The following EPHB1 variants were observed in gnomAD, a reference collection of about 807,000 sequenced individuals.
EPHB1 encodes the protein EPH receptor B1.
A neutral mutation model predicts 94.4 loss-of-function variants in EPHB1; 30 were observed. The observed-to-expected ratio is 0.32, with a 90% CI of 0.24 to 0.43. The LOEUF (loss-of-function observed/expected upper bound fraction) is 0.43. EPHB1 is among the 20% of genes least tolerant of loss of function. The pLI is 1.00. For missense variants in EPHB1, 1,055 were observed against 1,308.3 expected (o/e 0.81, Z 2.99); for synonymous variants, 522 against 489.1 (o/e 1.07, Z -0.89).
intron 3 of EPHB1, among the ~76,000 whole-genome samples, chr3:135,099,913 G>C (rs1938969999): frequency 6.6e-6 from 1 of 152,266 alleles, no homozygotes; most frequent in South Asian, 2.1e-4. Flanking sequence ...CTTCTTCCTG[G>C]CCAGAAGCAT....
chr3:135,208,665 C>T (rs1340906364), intron 12 of EPHB1, among the ~76,000 whole-genome samples: 1 of 152,070 alleles, frequency 6.6e-6, no homozygotes, highest in Non-Finnish European at 1.5e-5. Flanking sequence ...ACTGTGGGAA[C>T]AGAGGTATAA....
chr3:135,241,848 A>C (rs1398108272), intron 13 of EPHB1, among the ~76,000 whole-genome samples: 1 of 152,144 alleles, frequency 6.6e-6, no homozygotes, highest in Non-Finnish European at 1.5e-5. Context: ...ATCCCATATC[A>C]CCTATCAGTG....
chr3:134,845,604 G>C (rs752963218), intron 1 of EPHB1, among the ~76,000 whole-genome samples: 19 of 146,944 alleles, frequency 1.3e-4, no homozygotes, highest in Admixed American at 2.0e-4. Context: ...ATCCAGGGCA[G>C]AGAGTCAGGC....
At position 135,027,525 on chromosome 3, in the gene EPHB1, T is replaced by G. The variant is rs1305867713; in HGVS notation, c.805+75473T>G. ...TATATGCTGGATTACATTTATTGAT[T>G]TGCGTATATTGAACCAGCCTTGCAT... On this transcript the variant is annotated intron_variant, in intron 3 of 15. Coordinates refer to ENST00000398015, the MANE Select transcript of EPHB1 (RefSeq NM_004441.5). 1.5e-4 allele frequency among the ~76,000 whole-genome samples: 23 copies of G among 149,576 alleles called. No individual in the cohort carries two copies. In the East Asian group the frequency reaches 4.2e-3, roughly 27 times the overall value.
Position 134,951,447 on chromosome 3 carries a change from A to G in EPHB1, c.200A>G (p.Asn67Ser), listed in dbSNP as rs778421975. 30 of 1,612,808 alleles carry G rather than the reference A, an allele frequency of 1.9e-5. No homozygotes were observed. The highest frequency in any genetic ancestry group is 2.5e-5 in the Non-Finnish European group (29 of 1,179,262). ...CAGGTGTGCAATGTCTTCGAGCCCA[A>G]CCAGAACAATTGGCTGCTCACCACC... ...TYQVCNVFEPNQNNWLLTTFI... is the reference protein window; with the variant it reads ...TYQVCNVFEPSQNNWLLTTFI... Residue 67 changes from asparagine to serine, a missense_variant, in exon 3 of 16, where the codon AAC (asparagine) becomes AGC (serine). Coordinates refer to ENST00000398015, the MANE Select transcript of EPHB1 (RefSeq NM_004441.5). The surrounding 1 kb of genome is among the most constrained non-coding windows in gnomAD (Gnocchi z 4.5).
At chr3:135,007,953 G>A (rs1935482599) in intron 3 of EPHB1, among the ~76,000 whole-genome samples, 1 of 152,198 alleles carries the variant, frequency 6.6e-6, no homozygotes, top group African/African-American at 2.4e-5. Flanking sequence ...TTATTACTAA[G>A]GGGATGGCCG....
rs149913570 is a variant in EPHB1, at chr3:135,117,920, G to T, written c.961+11317G>T. On this transcript the variant is annotated intron_variant, in intron 4 of 15. Coordinates refer to ENST00000398015, the MANE Select transcript of EPHB1 (RefSeq NM_004441.5). ...GCCAGGTGCAGGCTGTCTCTTCTGG[G>T]GCAGAGGTGCCCAGAAGGTGAGGGC... Among the ~76,000 whole-genome samples the T allele has an allele frequency of 3.6e-3, 552 of 152,314 alleles. 3 individuals are homozygous for T. Among genetic ancestry groups the T allele is most frequent in the Middle Eastern group, 6.8e-3 (2 of 294 alleles).
intron 10 of EPHB1, among the ~76,000 whole-genome samples, chr3:135,191,483 G>A (rs1183733429): frequency 1.3e-5 from 2 of 152,208 alleles, no homozygotes; most frequent in Non-Finnish European, 2.9e-5. Flanking sequence ...GAAGTGGAAA[G>A]TGAGAGAGAA....
chr3:134,936,889 T>G (rs1209153702), intron 2 of EPHB1, among the ~76,000 whole-genome samples: 1 of 152,180 alleles, frequency 6.6e-6, no homozygotes, highest in Non-Finnish European at 1.5e-5. Flanking sequence ...CTTCAAGTGA[T>G]GGGGACCTGT....
intron 3 of EPHB1, among the ~76,000 whole-genome samples, chr3:135,101,857 C>T (rs1385956092): frequency 1.3e-5 from 2 of 152,134 alleles, no homozygotes; most frequent in African/African-American, 4.8e-5. Flanking sequence ...GGTGTACATC[C>T]ATCCACCTGG....
intron 6 of EPHB1, among the ~76,000 whole-genome samples, chr3:135,160,058 C>T (rs1287559101): frequency 6.6e-6 from 1 of 152,158 alleles, no homozygotes; most frequent in East Asian, 1.9e-4. Context: ...CCCCACAATC[C>T]CCTGAACTGC....
chr3:135,093,156 A>G (rs1486497480), intron 3 of EPHB1, among the ~76,000 whole-genome samples: 2 of 152,226 alleles, frequency 1.3e-5, no homozygotes, highest in African/African-American at 4.8e-5. Context: ...GAGAATGTCT[A>G]TAAAAGGAAA....
chr3:135,024,621 G>C (rs1559799071), intron 3 of EPHB1, among the ~76,000 whole-genome samples: 2 of 152,054 alleles, frequency 1.3e-5, no homozygotes, highest in African/African-American at 4.8e-5. Flanking sequence ...TCCTGTTGTA[G>C]TGGGCCCACT....
intron 1 of EPHB1, among the ~76,000 whole-genome samples, chr3:134,919,049 A>G (rs751583679): frequency 2.0e-5 from 3 of 152,222 alleles, no homozygotes; most frequent in African/African-American, 4.8e-5. Context: ...TGTGGTCCTC[A>G]TGTGCAGGAA....
chr3:135,129,290 TGG>T (rs1355547618), intron 4 of EPHB1, among the ~76,000 whole-genome samples: 7 of 151,772 alleles, frequency 4.6e-5, no homozygotes, highest in African/African-American at 1.7e-4. Context: ...TCGACAAGGG[TGG>T]GTCTTCCCAG....
Position 135,249,352 on chromosome 3 carries a change from C to T in EPHB1, c.2707C>T (p.Leu903Phe), listed in dbSNP as rs758846791. 3 of 1,612,832 alleles carry T rather than the reference C, an allele frequency of 1.9e-6. No individual in the cohort carries two copies. The change falls in exon 15 of 16, where the codon CTC becomes TTC. Residue 903 changes from leucine (L) to phenylalanine (F), a missense_variant. By Grantham distance (22) the Leu-to-Phe change is conservative. Transcript: ENST00000398015. ...TCTCACCAGGCCTTCCCAGCCCCTGCTCGACCGCTCCATCCCAGACTTCAC... is the reference window on the plus strand; with the variant it reads ...TCTCACCAGGCCTTCCCAGCCCCTGTTCGACCGCTCCATCCCAGACTTCAC... ...TITAVPSQPL[L>F]DRSIPDFTAF... is the part of the protein sequence containing the mutation.
At chr3:135,055,832 C>T (rs1336595853) in intron 3 of EPHB1, among the ~76,000 whole-genome samples, 1 of 152,180 alleles carries the variant, frequency 6.6e-6, no homozygotes, top group Non-Finnish European at 1.5e-5. Flanking sequence ...CCACACAGGT[C>T]TGAGTATGGG....
intron 1 of EPHB1, among the ~76,000 whole-genome samples, chr3:134,891,752 A>G (rs1226447932): frequency 6.6e-6 from 1 of 152,254 alleles, no homozygotes; most frequent in East Asian, 1.9e-4. Flanking sequence ...CATAAGCAAG[A>G]TGGATCCAAA....
chr3:135,259,290 CA>C lies in EPHB1; in HGVS notation c.*171del, dbSNP rs1933549004. On this transcript the variant is annotated 3_prime_UTR_variant, in exon 16 of 16. Coordinates refer to ENST00000398015, the MANE Select transcript of EPHB1 (RefSeq NM_004441.5). Reference sequence around the variant, plus strand: ...TTGCTAGCAGGCAATCTCCATTTCTCAGTGACAGAAGCATGTTTGAGATGCC... The same window carrying C: ...TTGCTAGCAGGCAATCTCCATTTCTCGTGACAGAAGCATGTTTGAGATGCC... 1 of 509,188 alleles carries C rather than the reference CA, an allele frequency of 2.0e-6. No homozygotes were observed. Among genetic ancestry groups the C allele is most frequent in the African/African-American group, 1.9e-5 (1 of 51,768 alleles). The allele number at this position is 509,188 out of a possible 1,614,324, so 31.5% of individuals were successfully genotyped here.
Sources: allele counts gnomAD v4.1 joint callset (sites outside exome capture counted in the v4.1 genomes callset), GRCh38; gene constraint gnomAD v4.1.1; non-coding constraint Gnocchi (gnomAD v3.1); transcripts MANE v1.5; gene names NCBI Gene and HGNC (gene_info 2026-07-23, HGNC 2026-07-21).